Variants in CELSR1 observed in about 807,000 individuals in gnomAD.
CELSR1 encodes the protein cadherin EGF LAG seven-pass G-type receptor 1, also known as adhesion G protein-coupled receptor C1.
CELSR1 carries 110 observed loss-of-function variants against 249.1 expected under a neutral mutation model. The ratio of observed to expected loss-of-function variants is 0.44; its 90% CI spans 0.38 to 0.52. CELSR1 has a LOEUF of 0.52. Among genes scored for constraint, CELSR1 ranks in the 20% least tolerant of loss-of-function variants. The pLI, the probability that CELSR1 is intolerant of heterozygous loss-of-function variation, is 0.00. For synonymous variants in CELSR1, 2,113 were observed against 1,900.0 expected, an observed-to-expected ratio of 1.11 and a Z score of -2.92; for missense variants, 4,109 against 4,296.4, an observed-to-expected ratio of 0.96 and a Z score of 1.22.
At chr22:46,404,242 T>C (rs147007340) in intron 9 of CELSR1, among the ~76,000 whole-genome samples, 9,822 of 151,580 alleles carry the variant, frequency 0.065, 363 homozygotes, top group Non-Finnish European at 0.075. Context: ...TGAAAACCTG[T>C]CTCTACTAAA....
Position 46,436,066 on chromosome 22 carries a change from G to T in CELSR1, c.4522+108C>A. 1 of 775,644 alleles carries T rather than the reference G, an allele frequency of 1.3e-6. No homozygotes were observed. The highest frequency in any genetic ancestry group is 2.1e-6 in the Non-Finnish European group (1 of 465,230). 48.0% of individuals were successfully genotyped at this position (775,644 alleles called of 1,614,324 possible). On this transcript the variant is annotated intron_variant, in intron 4 of 34. Coordinates refer to ENST00000674500, the MANE Select transcript of CELSR1 (RefSeq NM_001378328.1). This position sits in a 1 kb window ranked among gnomAD's most constrained non-coding sequence, Gnocchi z 5.9. ...CAGCTTCCTAGACCTACAAGTGAGG[G>T]ATGAAAGGGTAAGCAGCTTGGAGGC...
At position 46,488,162 on chromosome 22, in the gene CELSR1, T is replaced by C. The variant is rs1255154644; in HGVS notation, c.3545-23817A>G. ...GCTCTGCAGGCTGACAGCAGCTGGG[T>C]GACAGCAGGAAGCAGCTGTGGTCAG... On this transcript the variant is annotated intron_variant, in intron 1 of 34. Coordinates refer to ENST00000674500, the MANE Select transcript of CELSR1 (RefSeq NM_001378328.1). This position sits in a 1 kb window ranked among gnomAD's most constrained non-coding sequence, Gnocchi z 4.7. Among the ~76,000 whole-genome samples, 1 of 151,760 alleles carries C rather than the reference T, an allele frequency of 6.6e-6. No individual in the cohort carries two copies. The highest frequency in any genetic ancestry group is 1.5e-5 in the Non-Finnish European group (1 of 67,892).
In CELSR1 at chr22:46,411,402, C is replaced by A. The variant is rs1031556464; in HGVS notation, c.4769+200G>T. 5.3e-5 allele frequency among the ~76,000 whole-genome samples: 8 copies of A among 152,182 alleles called. No homozygotes were observed. Among genetic ancestry groups the A allele is most frequent in the African/African-American group, 1.9e-4 (8 of 41,436 alleles). On this transcript the variant is annotated intron_variant, in intron 6 of 34. Coordinates refer to ENST00000674500, the MANE Select transcript of CELSR1 (RefSeq NM_001378328.1). The surrounding 1 kb of genome is among the most constrained non-coding windows in gnomAD (Gnocchi z 4.2). ...CTGGGGTCGGCCTGGCCACTCTTGA[C>A]ACATACTTAGGGAGACTTATTCTAG...
chr22:46,422,412 A>C (rs1019521867), intron 5 of CELSR1, among the ~76,000 whole-genome samples: 1 of 151,630 alleles, frequency 6.6e-6, no homozygotes, highest in East Asian at 2.0e-4. Context: ...CTGGCCCTCA[A>C]ATGATTTTTT....
At chr22:46,515,165 A>G (rs987520443) in intron 1 of CELSR1, among the ~76,000 whole-genome samples, 1 of 152,130 alleles carries the variant, frequency 6.6e-6, no homozygotes, top group Admixed American at 6.5e-5. Flanking sequence ...CATGGGCAGT[A>G]GGAGCCATTC....
intron 5 of CELSR1, among the ~76,000 whole-genome samples, chr22:46,421,745 C>G (rs886189401): frequency 2.0e-5 from 3 of 152,264 alleles, no homozygotes; most frequent in African/African-American, 7.2e-5. Context: ...TAAGTAAAGG[C>G]AGTGGCCGCC....
At position 46,536,722 on chromosome 22, in the gene CELSR1, G is replaced by C; in HGVS notation, c.449C>G (p.Pro150Arg). ...AAAQHSALAA[P>R]TTLPACRCPP... is the part of the protein sequence containing the mutation. The stretch of plus-strand genomic sequence containing the variant: ...GCAGCGGCAGGCGGGTAAGGTGGTC[G>C]GAGCTGCGAGCGCCGAATGCTGCGC... The change falls in exon 1 of 35, where the codon CCG (proline) becomes CGG (arginine). Residue 150 changes from proline (P) to arginine (R), a missense_variant. Transcript: ENST00000674500. 8.5e-7 allele frequency: 1 copy of C among 1,177,662 alleles called. No individual in the cohort carries two copies. The highest frequency in any genetic ancestry group is 1.0e-6 in the Non-Finnish European group (1 of 954,498). The allele number at this position is 1,177,662 out of a possible 1,614,324, so 73.0% of individuals were successfully genotyped here. A position where few individuals can be genotyped will look rare whatever the true frequency, so the allele number is the denominator to read the frequency against.
In CELSR1 at chr22:46,409,562, G is replaced by A. The variant is rs917975649; in HGVS notation, c.5059+193C>T. Among the ~76,000 whole-genome samples, 2 of 152,156 alleles carry A rather than the reference G, an allele frequency of 1.3e-5. No individual in the cohort carries two copies. Among genetic ancestry groups the A allele is most frequent in the Non-Finnish European group, 2.9e-5 (2 of 68,012 alleles). On this transcript the variant is annotated intron_variant, in intron 8 of 34. Transcript: ENST00000674500. This position sits in a 1 kb window ranked among gnomAD's most constrained non-coding sequence, Gnocchi z 9.8. ...CACACCTGAGGGACTGGGGACCCCA[G>A]AAGCAGGAGCAGGGGCTCTGCGGAG...
Position 46,364,664 on chromosome 22 carries a change from G to C in CELSR1, c.8627C>G (p.Pro2876Arg), listed in dbSNP as rs776214478. ...CACCTTCAGGCGGGGCTTGCCGCTG[G>C]GGTCCTCACTGTCACTCTCAGCCAG... ...QSLAESDSEDPSGKPRLKVET... is the reference protein window; with the variant it reads ...QSLAESDSEDRSGKPRLKVET... The change falls in exon 33 of 35, where the codon CCC becomes CGC. Residue 2876 changes from proline to arginine, a missense_variant. By Grantham distance (103) the Pro-to-Arg change is moderately radical. Around this residue, in one of 7 missense-constraint regions of CELSR1, gnomAD observed 1,805 missense variants for 1,831.6 expected, o/e 0.99. Coordinates refer to ENST00000674500, the MANE Select transcript of CELSR1 (RefSeq NM_001378328.1). 6.2e-7 allele frequency: 1 copy of C among 1,612,662 alleles called. No individual in the cohort carries two copies. The highest frequency in any genetic ancestry group is 8.5e-7 in the Non-Finnish European group (1 of 1,179,916).
intron 1 of CELSR1, among the ~76,000 whole-genome samples, chr22:46,528,322 T>C (rs1333502527): frequency 6.6e-6 from 1 of 152,154 alleles, no homozygotes; most frequent in Non-Finnish European, 1.5e-5. Flanking sequence ...TCCACCAAAG[T>C]CAACGGCGAG....
intron 1 of CELSR1, among the ~76,000 whole-genome samples, chr22:46,497,069 G>T (rs566647341): frequency 1.2e-4 from 18 of 152,262 alleles, no homozygotes; most frequent in African/African-American, 4.3e-4. Context: ...TGAGTAATGT[G>T]TTGCACTATG....
Position 46,468,013 on chromosome 22 carries a change from C to T in CELSR1, c.3545-3668G>A, listed in dbSNP as rs2080115817. Among the ~76,000 whole-genome samples, 1 of 152,106 alleles carries T rather than the reference C, an allele frequency of 6.6e-6. No homozygotes were observed. The highest frequency in any genetic ancestry group is 1.5e-5 in the Non-Finnish European group (1 of 68,024). ...ACAAAAGAAAAAGATGAGTCAACCA[C>T]ACCTATGTTCATAGCAGCGCTATTC... On this transcript the variant is annotated intron_variant, in intron 1 of 34. Coordinates refer to ENST00000674500, the MANE Select transcript of CELSR1 (RefSeq NM_001378328.1). This position sits in a 1 kb window ranked among gnomAD's most constrained non-coding sequence, Gnocchi z 4.5.
intron 32 of CELSR1, among the ~76,000 whole-genome samples, chr22:46,364,963 C>G (rs1028435250): frequency 1.2e-4 from 18 of 152,238 alleles, no homozygotes; most frequent in African/African-American, 4.3e-4. Flanking sequence ...AGGCTAATCC[C>G]CCACTGGCAG....
chr22:46,529,833 T>C (rs939707488), intron 1 of CELSR1, among the ~76,000 whole-genome samples: 1 of 151,970 alleles, frequency 6.6e-6, no homozygotes, highest in Non-Finnish European at 1.5e-5. Context: ...ACCTAGTATT[T>C]AGCCCAACAG....
intron 27 of CELSR1, among the ~76,000 whole-genome samples, chr22:46,368,094 G>A (rs1307093333): frequency 6.6e-6 from 1 of 152,178 alleles, no homozygotes; most frequent in Admixed American, 6.5e-5. Context: ...ACATTAGGAA[G>A]CAAATGAGAA....
chr22:46,422,151 G>A (rs2079481477), intron 5 of CELSR1, among the ~76,000 whole-genome samples: 1 of 151,770 alleles, frequency 6.6e-6, no homozygotes, highest in South Asian at 2.1e-4. Flanking sequence ...TGTCGCCCAG[G>A]CTAGAGTGCA....
At position 46,495,395 on chromosome 22, in the gene CELSR1, G is replaced by T. The variant is rs193029593; in HGVS notation, c.3545-31050C>A. Among the ~76,000 whole-genome samples, 4 of 152,326 alleles carry T rather than the reference G, an allele frequency of 2.6e-5. No homozygotes were observed. In the East Asian group the frequency reaches 7.7e-4, roughly 29 times the overall value. On this transcript the variant is annotated intron_variant, in intron 1 of 34. Coordinates refer to ENST00000674500, the MANE Select transcript of CELSR1 (RefSeq NM_001378328.1). Reference sequence around the variant, plus strand: ...ATTAAAAACAGTACACCTATATAGGGTACTTACCAGGAATGAAGGTTTCAG... The same window carrying T: ...ATTAAAAACAGTACACCTATATAGGTTACTTACCAGGAATGAAGGTTTCAG...
At chr22:46,375,051 G>A (rs1204741622) in intron 24 of CELSR1, among the ~76,000 whole-genome samples, 1 of 152,206 alleles carries the variant, frequency 6.6e-6, no homozygotes, top group African/African-American at 2.4e-5. Context: ...TGACCTGCGA[G>A]GTGGGGGTGC....
At position 46,369,259 on chromosome 22, in the gene CELSR1, C is replaced by A. The variant is rs763997985; in HGVS notation, c.7873-1G>T. On this transcript the variant is annotated splice_acceptor_variant, in intron 26 of 34. Transcript: ENST00000674500. LOFTEE classifies it high-confidence loss of function. ...ATAGGACAGAAGTGACTGTGTTGAT[C>A]TGAAAACAAAACAAGCCGATCAATG... 6.3e-7 allele frequency: 1 copy of A among 1,578,570 alleles called. No homozygotes were observed. The highest frequency in any genetic ancestry group is 8.6e-7 in the Non-Finnish European group (1 of 1,163,950).
Sources: allele counts gnomAD v4.1 joint callset (sites outside exome capture counted in the v4.1 genomes callset), GRCh38; gene constraint gnomAD v4.1.1; regional missense constraint gnomAD v4.1.1; non-coding constraint Gnocchi (gnomAD v3.1); transcripts MANE v1.5; gene names NCBI Gene and HGNC (gene_info 2026-07-23, HGNC 2026-07-21).